Variants in RARB observed in about 807,000 individuals in gnomAD.
The protein encoded by RARB is retinoic acid receptor beta.
RARB carries 17 observed loss-of-function variants against 51.9 expected under a neutral mutation model. The observed-to-expected ratio is 0.33, with a 90% CI of 0.22 to 0.49. The LOEUF is 0.49. Among genes scored for constraint, RARB ranks in the 20% least tolerant of loss-of-function variants. RARB has a pLI of 0.99. For missense variants in RARB, 369 were observed against 550.8 expected (o/e 0.67, Z 3.30); for synonymous variants, 215 against 195.4 (o/e 1.10, Z -0.84).
At chr3:25,390,715 CA>C (rs1255779915) in intron 5 of RARB, among the ~76,000 whole-genome samples, 1 of 152,084 alleles carries the variant, frequency 6.6e-6, no homozygotes, top group African/African-American at 2.4e-5. Context: ...TCAAAGGAAA[CA>C]GTTAAAAATT....
intron 1 of RARB, among the ~76,000 whole-genome samples, chr3:25,436,966 G>A (rs531366736): frequency 1.6e-4 from 25 of 152,254 alleles, no homozygotes; most frequent in African/African-American, 6.0e-4. Context: ...GGGAATAATA[G>A]TGTCTACATT....
At chr3:25,167,007 T>G (rs1244346410) in intron 4 of RARB, among the ~76,000 whole-genome samples, 2 of 152,234 alleles carry the variant, frequency 1.3e-5, no homozygotes, top group African/African-American at 4.8e-5. Context: ...TTTTTTATTG[T>G]TCAATTTCAG....
chr3:25,285,131 A>G (rs376345020), intron 5 of RARB, among the ~76,000 whole-genome samples: 4 of 152,350 alleles, frequency 2.6e-5, no homozygotes, highest in African/African-American at 4.8e-5. Flanking sequence ...CATTACCTCA[A>G]TGATCACAAC....
At chr3:25,576,790 G>T (rs948793104) in intron 4 of RARB, among the ~76,000 whole-genome samples, 1 of 152,168 alleles carries the variant, frequency 6.6e-6, no homozygotes, top group Non-Finnish European at 1.5e-5. Context: ...GAGCTACAGG[G>T]TGGCTGCCAA....
At chr3:24,977,804 G>C (rs1696551445) in intron 2 of RARB, among the ~76,000 whole-genome samples, 1 of 152,142 alleles carries the variant, frequency 6.6e-6, no homozygotes, top group South Asian at 2.1e-4. Flanking sequence ...AATAGGAGTG[G>C]TGAGAGAGGG....
chr3:25,060,758 T>A (rs765214872), intron 3 of RARB, among the ~76,000 whole-genome samples: 2 of 151,920 alleles, frequency 1.3e-5, no homozygotes, highest in African/African-American at 4.8e-5. Context: ...GTGTTAGCCA[T>A]GACCTTGGTT....
chr3:25,173,655 CAAG>C (rs1700684920), intron 4 of RARB, among the ~76,000 whole-genome samples: 1 of 151,988 alleles, frequency 6.6e-6, no homozygotes, highest in Non-Finnish European at 1.5e-5. Context: ...CCTAAAAAAG[CAAG>C]AAAAAAAATT....
At chr3:25,352,582 T>G (rs1366510611) in intron 5 of RARB, among the ~76,000 whole-genome samples, 3 of 152,224 alleles carry the variant, frequency 2.0e-5, no homozygotes, top group Non-Finnish European at 4.4e-5. Context: ...ACTTAATGTT[T>G]TTCTTGTCTT....
intron 3 of RARB, among the ~76,000 whole-genome samples, chr3:25,090,626 A>G (rs568445736): frequency 9.9e-5 from 15 of 152,248 alleles, no homozygotes; most frequent in African/African-American, 3.4e-4. Context: ...ATCCTTTGGG[A>G]TACAGCCCTT....
At chr3:24,899,636 G>A (rs190608665) in intron 2 of RARB, among the ~76,000 whole-genome samples, 10 of 152,052 alleles carry the variant, frequency 6.6e-5, no homozygotes, top group African/African-American at 1.9e-4. Flanking sequence ...GCTGGGTAGT[G>A]TTCTCCCCTG....
chr3:24,861,993 T>G (rs1224606145), intron 2 of RARB, among the ~76,000 whole-genome samples: 1 of 152,194 alleles, frequency 6.6e-6, no homozygotes, highest in Non-Finnish European at 1.5e-5. Context: ...CACAAACTTC[T>G]CACTGTGACT....
Position 25,336,573 on chromosome 3 carries a change from T to C in RARB, c.179-124620T>C, listed in dbSNP as rs1705069185. 4.6e-5 allele frequency among the ~76,000 whole-genome samples: 7 copies of C among 152,196 alleles called. 1 individual carries two copies. The highest frequency in any genetic ancestry group is 4.6e-4 in the Admixed American group (7 of 15,256). On this transcript the variant is annotated intron_variant, in intron 5 of 11. Transcript: ENST00000383772. Reference sequence around the variant, plus strand: ...CAATTCTTCTTTGAGGTTAAATGCTTATAAGTATTTCAGCTTTGGAGCGGG... The same window carrying C: ...CAATTCTTCTTTGAGGTTAAATGCTCATAAGTATTTCAGCTTTGGAGCGGG...
At chr3:25,150,265 G>A (rs1024789498) in intron 4 of RARB, among the ~76,000 whole-genome samples, 7 of 152,068 alleles carry the variant, frequency 4.6e-5, no homozygotes, top group Non-Finnish European at 8.8e-5. Flanking sequence ...CAGAGCAAAT[G>A]CTCAATGGAG....
chr3:25,409,511 C>T (rs1362153702), intron 5 of RARB, among the ~76,000 whole-genome samples: 5 of 152,250 alleles, frequency 3.3e-5, no homozygotes, highest in South Asian at 2.1e-4. Context: ...CTTCTCCGGT[C>T]ACCTTGAATA....
chr3:25,119,676 C>A (rs1604009), intron 3 of RARB, among the ~76,000 whole-genome samples: 74,775 of 150,486 alleles, frequency 0.5, 21,360 homozygotes, highest in African/African-American at 0.81. Context: ...AAAACAACAA[C>A]AAAAAAAACA....
intron 1 of RARB, among the ~76,000 whole-genome samples, chr3:25,447,923 GATTCATCAGCATAAGCATGATACA>G (rs1315039561): frequency 6.6e-6 from 1 of 152,126 alleles, no homozygotes; most frequent in Non-Finnish European, 1.5e-5. Flanking sequence ...ATAGCATTGA[GATTCATCAGCATAAGCATGATACA>G]ATAATGATAA....
intron 3 of RARB, among the ~76,000 whole-genome samples, chr3:25,508,219 G>T (rs984515074): frequency 6.6e-6 from 1 of 152,132 alleles, no homozygotes; most frequent in Non-Finnish European, 1.5e-5. Flanking sequence ...CTTCTCATTT[G>T]GGGCATATTG....
chr3:25,152,267 T>G (rs1271082254), intron 4 of RARB, among the ~76,000 whole-genome samples: 2 of 152,186 alleles, frequency 1.3e-5, no homozygotes, highest in East Asian at 3.9e-4. Flanking sequence ...TCAACTCACT[T>G]GTCTTTTTAT....
At chr3:25,082,680 G>A (rs1014737485) in intron 3 of RARB, among the ~76,000 whole-genome samples, 3 of 151,882 alleles carry the variant, frequency 2.0e-5, no homozygotes, top group Admixed American at 6.6e-5. Context: ...AATAAATTAA[G>A]AAGCAAAAAA....
Sources: allele counts gnomAD v4.1 joint callset (sites outside exome capture counted in the v4.1 genomes callset), GRCh38; gene constraint gnomAD v4.1.1; transcripts MANE v1.5; gene names NCBI Gene and HGNC (gene_info 2026-07-23, HGNC 2026-07-21).